CUBN: variants seen among roughly 807,000 people sequenced by gnomAD.
CUBN encodes cubilin.
A neutral mutation model predicts 405.3 loss-of-function variants in CUBN; 282 were observed. The observed-to-expected ratio is 0.70, with a 90% CI of 0.63 to 0.77. The LOEUF (loss-of-function observed/expected upper bound fraction) is 0.77. Ranked by LOEUF, CUBN falls within the 30% of genes least tolerant of loss-of-function variation. The pLI, the probability that CUBN is intolerant of heterozygous loss-of-function variation, is 0.00. For synonymous variants in CUBN, 1,684 were observed against 1,617.0 expected (o/e 1.04, Z -0.99); for missense variants, 4,514 against 4,475.2 (o/e 1.01, Z -0.25).
chr10:17,104,713 T>A lies in CUBN; in HGVS notation c.1231-108A>T, dbSNP rs547623359. On this transcript the variant is annotated intron_variant, in intron 11 of 66. Transcript: ENST00000377833. ...TGCCATGGAGATATATAATATATAATAATTATATAATTATTATATATAAAA... is the reference window on the plus strand; with the variant it reads ...TGCCATGGAGATATATAATATATAAAAATTATATAATTATTATATATAAAA... 9.4e-5 allele frequency: 25 copies of A among 265,432 alleles called. No individual in the cohort carries two copies. The South Asian group carries it at 1.8e-3, about 20-fold the overall frequency. The allele number at this position is 265,432 out of a possible 1,614,324, so 16.4% of individuals were successfully genotyped here.
intron 54 of CUBN, among the ~76,000 whole-genome samples, chr10:16,890,765 G>A (rs1328242347): frequency 6.6e-6 from 1 of 152,120 alleles, no homozygotes; most frequent in African/African-American, 2.4e-5. Context: ...GCATAGCTGG[G>A]TGGTGATTTT....
chr10:16,982,027 G>C (rs562636833), intron 31 of CUBN, among the ~76,000 whole-genome samples: 6 of 152,240 alleles, frequency 3.9e-5, no homozygotes, highest in African/African-American at 1.4e-4. Context: ...TCTATTCCAT[G>C]ATACTTTCTG....
intron 15 of CUBN, among the ~76,000 whole-genome samples, chr10:17,087,198 C>T (rs1463382127): frequency 6.6e-6 from 1 of 152,124 alleles, no homozygotes; most frequent in Non-Finnish European, 1.5e-5. Flanking sequence ...CTGCAAGGGG[C>T]TGAGATTTAT....
At chr10:16,919,209 G>A (rs1252918642) in intron 44 of CUBN, among the ~76,000 whole-genome samples, 6 of 152,326 alleles carry the variant, frequency 3.9e-5, no homozygotes, top group East Asian at 3.9e-4. Context: ...CTAATGGAGC[G>A]TCCCAACTGG....
intron 30 of CUBN, among the ~76,000 whole-genome samples, chr10:16,983,007 CA>C (rs10714215): frequency 0.73 from 111,051 of 151,552 alleles, 43,497 homozygotes; most frequent in Non-Finnish European, 0.89. Flanking sequence ...TGTTTCCTTC[CA>C]AGAATTGTGA....
At chr10:16,894,122 T>A (rs1027845003) in intron 54 of CUBN, among the ~76,000 whole-genome samples, 12 of 152,196 alleles carry the variant, frequency 7.9e-5, no homozygotes, top group African/African-American at 2.7e-4. Context: ...ATATTTTACA[T>A]AGTAGTACAT....
intron 59 of CUBN, among the ~76,000 whole-genome samples, chr10:16,868,943 C>T (rs1273772142): frequency 2.6e-5 from 4 of 152,144 alleles, no homozygotes; most frequent in Non-Finnish European, 4.4e-5. Context: ...TATAGAAAGT[C>T]ATCCTCAATT....
intron 27 of CUBN, among the ~76,000 whole-genome samples, chr10:17,026,026 A>C (rs1380167043): frequency 1.3e-5 from 2 of 152,150 alleles, no homozygotes; most frequent in Non-Finnish European, 2.9e-5. Flanking sequence ...AGTGAGCAGC[A>C]TCTCTTCCTG....
intron 17 of CUBN, among the ~76,000 whole-genome samples, chr10:17,083,211 T>TA (rs1157242999): frequency 6.6e-6 from 1 of 151,728 alleles, no homozygotes; most frequent in African/African-American, 2.4e-5. Flanking sequence ...ATTTCTGGAT[T>TA]AAAAAAAATG....
intron 36 of CUBN, among the ~76,000 whole-genome samples, chr10:16,945,282 A>G (rs1039309642): frequency 2.0e-5 from 3 of 152,350 alleles, no homozygotes; most frequent in African/African-American, 4.8e-5. Context: ...TATTCTAAGG[A>G]CAATGATGGT....
At chr10:17,055,280 G>T (rs920407576) in intron 22 of CUBN, among the ~76,000 whole-genome samples, 1 of 152,034 alleles carries the variant, frequency 6.6e-6, no homozygotes, top group African/African-American at 2.4e-5. Flanking sequence ...CTGATGAATG[G>T]CATCTATGGA....
chr10:17,004,371 G>T (rs1185350198), intron 28 of CUBN, among the ~76,000 whole-genome samples: 1 of 152,194 alleles, frequency 6.6e-6, no homozygotes, highest in Non-Finnish European at 1.5e-5. Context: ...CCAACATGTA[G>T]TTTATTCCAA....
At chr10:16,996,799 A>G (rs1833747023) in intron 28 of CUBN, among the ~76,000 whole-genome samples, 1 of 152,204 alleles carries the variant, frequency 6.6e-6, no homozygotes, top group Admixed American at 6.5e-5. Context: ...ATCAGGAGGA[A>G]TAACATCTTG....
intron 22 of CUBN, among the ~76,000 whole-genome samples, chr10:17,060,544 C>A (rs1334616131): frequency 6.6e-6 from 1 of 152,152 alleles, no homozygotes; most frequent in Admixed American, 6.5e-5. Flanking sequence ...ATATAACAAA[C>A]AAGATAAACG....
chr10:17,070,560 A>G (rs1444565275), intron 19 of CUBN, among the ~76,000 whole-genome samples: 1 of 152,178 alleles, frequency 6.6e-6, no homozygotes, highest in African/African-American at 2.4e-5. Context: ...TTATAGTCTC[A>G]GAGGACAAGT....
chr10:16,910,563 C>G (rs1841700077), intron 48 of CUBN, among the ~76,000 whole-genome samples: 1 of 151,814 alleles, frequency 6.6e-6, no homozygotes. Context: ...GAGTCAGGGC[C>G]CCCTCATGCA....
intron 59 of CUBN, among the ~76,000 whole-genome samples, chr10:16,851,792 C>T (rs1212983303): frequency 2.2e-5 from 3 of 137,008 alleles, no homozygotes; most frequent in Non-Finnish European, 4.7e-5. Flanking sequence ...CCCTCTCTCC[C>T]TCCATCTTTC....
In CUBN at chr10:16,982,589, A is replaced by G; in HGVS notation, c.4590T>C (p.Tyr1530=). ...CCCAAGAACAGTCTGTGTTGCTCCT[A>G]TAAGGACTGGGGTAATTTGGAGAAT... The part of the protein sequence containing the change: ...EIHSPNYPSP[Y]RSNTDCSWVI... Residue 1530 remains tyrosine, a synonymous_variant, in exon 31 of 67, where the codon TAT becomes TAC. Transcript: ENST00000377833. The G allele has an allele frequency of 6.2e-7, 1 of 1,613,750 alleles. No homozygotes were observed. Among genetic ancestry groups the G allele is most frequent in the Non-Finnish European group, 8.5e-7 (1 of 1,179,638 alleles).
At chr10:17,126,427 T>C (rs536398117) in intron 4 of CUBN, among the ~76,000 whole-genome samples, 6 of 152,284 alleles carry the variant, frequency 3.9e-5, no homozygotes, top group African/African-American at 1.4e-4. Context: ...CAGTCCCTGA[T>C]GGGAGAATCA....
Sources: allele counts gnomAD v4.1 joint callset (sites outside exome capture counted in the v4.1 genomes callset), GRCh38; gene constraint gnomAD v4.1.1; transcripts MANE v1.5; gene names NCBI Gene and HGNC (gene_info 2026-07-23, HGNC 2026-07-21).